PCDH1: variants seen among roughly 807,000 people sequenced by gnomAD.
The protein encoded by PCDH1 is protocadherin 1.
Under a neutral mutation model 74.6 loss-of-function variants are expected in PCDH1, and 23 were observed. The ratio of observed to expected loss-of-function variants is 0.31; its 90% CI spans 0.22 to 0.44. The LOEUF (loss-of-function observed/expected upper bound fraction) is 0.44, where lower values mean the gene tolerates loss of function less well. Among genes scored for constraint, PCDH1 ranks in the 20% least tolerant of loss-of-function variants. The pLI is 1.00. For synonymous variants in PCDH1, 647 were observed against 686.1 expected (o/e 0.94, Z 0.89); for missense variants, 1,214 against 1,641.4 (o/e 0.74, Z 4.50).
intron 1 of PCDH1, among the ~76,000 whole-genome samples, chr5:141,875,072 A>G (rs1753187222): frequency 6.6e-6 from 1 of 152,238 alleles, no homozygotes; most frequent in South Asian, 2.1e-4. Context: ...ACCTGTTTCC[A>G]TACTGTGAAA....
intron 3 of PCDH1, among the ~76,000 whole-genome samples, chr5:141,861,721 T>C (rs1022180543): frequency 1.3e-5 from 2 of 152,100 alleles, no homozygotes; most frequent in African/African-American, 4.8e-5. Flanking sequence ...CAAGCCTCTT[T>C]AGTCACCATG....
chr5:141,864,222 G>A lies in PCDH1; in HGVS notation c.2109C>T (p.Ile703=). The change falls in exon 3 of 5, where the codon ATC becomes ATT. Residue 703 remains isoleucine, a synonymous_variant. Transcript: ENST00000287008. This position sits in a 1 kb window ranked among gnomAD's most constrained non-coding sequence, Gnocchi z 5.9. The stretch of plus-strand genomic sequence containing the variant: ...CGTTGTCATTCTCGTCCAGCACATT[G>A]ATGGTGACACCAACGTAAGCTGAGC... ...PPRSAYVGVT[I]NVLDENDNAP... 1 of 1,607,850 alleles carries A rather than the reference G, an allele frequency of 6.2e-7. No homozygotes were observed.
chr5:141,877,886 G>T lies in PCDH1; in HGVS notation c.40+337C>A, dbSNP rs545856003. Reference sequence around the variant, plus strand: ...GGAGACCCCCACCAAACTGGGGGCCGCGCGCTTCCCCAAACCCATCCTCCA... The same window carrying T: ...GGAGACCCCCACCAAACTGGGGGCCTCGCGCTTCCCCAAACCCATCCTCCA... On this transcript the variant is annotated intron_variant, in intron 1 of 4. Transcript: ENST00000287008. 7.2e-5 allele frequency among the ~76,000 whole-genome samples: 11 copies of T among 152,268 alleles called. No homozygotes were observed. In the South Asian group the frequency reaches 8.3e-4, roughly 11 times the overall value.
In PCDH1 at chr5:141,863,681, T is replaced by C. The variant is rs748917972; in HGVS notation, c.2650A>G (p.Ser884Gly). 1 of 1,614,168 alleles carries C rather than the reference T, an allele frequency of 6.2e-7. No homozygotes were observed. The highest frequency in any genetic ancestry group is 2.2e-5 in the East Asian group (1 of 44,884). Reference protein sequence around the residue: ...VRYCRQREAKSGYQAGKKETK... With the variant: ...VRYCRQREAKGGYQAGKKETK... ...TCCTTCTTACCAGCCTGGTAACCAC[T>C]TTTGGCCTCCCGCTGTCTGCAGTAG... Residue 884 changes from serine to glycine, a missense_variant, in exon 3 of 5, where the codon AGT (serine) becomes GGT (glycine). Coordinates refer to ENST00000287008, the MANE Select transcript of PCDH1 (RefSeq NM_032420.5). The surrounding 1 kb of genome is among the most constrained non-coding windows in gnomAD (Gnocchi z 7.5).
At chr5:141,866,786 A>C (rs1379706993) in intron 2 of PCDH1, among the ~76,000 whole-genome samples, 1 of 152,190 alleles carries the variant, frequency 6.6e-6, no homozygotes, top group Non-Finnish European at 1.5e-5. Flanking sequence ...CGGCACAGGG[A>C]AAGTGCTCCC....
rs1391175459 is a variant in PCDH1 at position 141,863,919 on chromosome 5, G to A, written c.2412C>T (p.Gly804=). ...VSDRGKPPRY[G]TALVHLYVNE... ...TGACATAAAGATGGACCAAGGCTGTGCCATAGCGTGGGGGCTTGCCGCGGT... is the reference window on the plus strand; with the variant it reads ...TGACATAAAGATGGACCAAGGCTGTACCATAGCGTGGGGGCTTGCCGCGGT... The change falls in exon 3 of 5, where the codon GGC becomes GGT. Residue 804 remains glycine (G), a synonymous_variant. Transcript: ENST00000287008. This position sits in a 1 kb window ranked among gnomAD's most constrained non-coding sequence, Gnocchi z 7.5. 1.2e-6 allele frequency: 2 copies of A among 1,614,176 alleles called. No individual in the cohort carries two copies. Among genetic ancestry groups the A allele is most frequent in the Non-Finnish European group, 1.7e-6 (2 of 1,180,028 alleles).
At chr5:141,870,015 G>A (rs994538354) in intron 1 of PCDH1, among the ~76,000 whole-genome samples, 1 of 152,152 alleles carries the variant, frequency 6.6e-6, no homozygotes, top group African/African-American at 2.4e-5. Context: ...GAGGGAGAGG[G>A]GATGATGTCT....
chr5:141,873,439 G>A (rs1397509340), intron 1 of PCDH1, among the ~76,000 whole-genome samples: 20 of 134,810 alleles, frequency 1.5e-4, no homozygotes, highest in African/African-American at 4.8e-4. Context: ...CGCCTGGCCC[G>A]GTCCTGCAAA....
chr5:141,878,288 C>G lies in PCDH1; in HGVS notation c.-26G>C. 8.0e-7 allele frequency: 1 copy of G among 1,253,280 alleles called. No homozygotes were observed. 77.6% of individuals were successfully genotyped at this position (1,253,280 alleles called of 1,614,324 possible). Reference sequence around the variant, plus strand: ...GAGCCGCCGCCGGCCCCGGCCTGGGCTGCGGCTCCGCACGGCTGGGGCTGG... The same window carrying G: ...GAGCCGCCGCCGGCCCCGGCCTGGGGTGCGGCTCCGCACGGCTGGGGCTGG... On this transcript the variant is annotated 5_prime_UTR_variant, in exon 1 of 5. Coordinates refer to ENST00000287008, the MANE Select transcript of PCDH1 (RefSeq NM_032420.5). The surrounding 1 kb of genome is among the most constrained non-coding windows in gnomAD (Gnocchi z 5.5).
Position 141,863,085 on chromosome 5 carries a change from C to T in PCDH1, c.3099+147G>A. 1 of 1,387,906 alleles carries T rather than the reference C, an allele frequency of 7.2e-7. No individual in the cohort carries two copies. Among genetic ancestry groups the T allele is most frequent in the Non-Finnish European group, 9.4e-7 (1 of 1,066,354 alleles). 86.0% of individuals were successfully genotyped at this position (1,387,906 alleles called of 1,614,324 possible). On this transcript the variant is annotated intron_variant, in intron 3 of 4. Transcript: ENST00000287008. This position sits in a 1 kb window ranked among gnomAD's most constrained non-coding sequence, Gnocchi z 7.5. The stretch of plus-strand genomic sequence containing the variant: ...CGTGTGCCCGGTGAGGCACTAAGGC[C>T]CCACCTCCCACTGCTGGCTCAGGCT...
In PCDH1 at chr5:141,869,190, C is replaced by T. The variant is rs1226750869; in HGVS notation, c.282G>A (p.Val94=). ...CATCCACGCGAAGGTACGGGGCACC[C>T]ACCTCTAGCTTGTACAGGTGCCCCA... ...PDVGHLYKLE[V]GAPYLRVDGK... The change falls in exon 2 of 5, where the codon GTG becomes GTA. Residue 94 remains valine, a synonymous_variant. Transcript: ENST00000287008. The surrounding 1 kb of genome is among the most constrained non-coding windows in gnomAD (Gnocchi z 4.9). 1 of 1,614,018 alleles carries T rather than the reference C, an allele frequency of 6.2e-7. No homozygotes were observed. The highest frequency in any genetic ancestry group is 8.5e-7 in the Non-Finnish European group (1 of 1,179,978).
chr5:141,856,735 C>T (rs1035183673), intron 4 of PCDH1, among the ~76,000 whole-genome samples: 2 of 152,158 alleles, frequency 1.3e-5, no homozygotes, highest in African/African-American at 4.8e-5. Flanking sequence ...CAAACCTTCT[C>T]CCACTCCTCA....
At chr5:141,859,855 AT>A (rs1454672139) in intron 3 of PCDH1, among the ~76,000 whole-genome samples, 1 of 152,244 alleles carries the variant, frequency 6.6e-6, no homozygotes, top group East Asian at 1.9e-4. Flanking sequence ...TAAAACACTC[AT>A]GAGCTTTCAG....
chr5:141,854,014 G>C lies in PCDH1; in HGVS notation c.*28C>G. On this transcript the variant is annotated 3_prime_UTR_variant, in exon 5 of 5. Transcript: ENST00000287008. ...TTTGGGAGCTGGCCGGCGGCTGGGG[G>C]AGGGGGGCCGGCCGGCCAGTAGGGG... 2.7e-6 allele frequency: 4 copies of C among 1,476,450 alleles called. No homozygotes were observed. Among genetic ancestry groups the C allele is most frequent in the Middle Eastern group, 2.5e-4 (1 of 3,922 alleles). 91.5% of individuals were successfully genotyped at this position (1,476,450 alleles called of 1,614,324 possible). A position where few individuals can be genotyped will look rare whatever the true frequency, so the allele number is the denominator to read the frequency against.
intron 1 of PCDH1, among the ~76,000 whole-genome samples, chr5:141,871,101 T>C (rs1461504322): frequency 1.3e-5 from 2 of 152,250 alleles, no homozygotes; most frequent in African/African-American, 2.4e-5. Flanking sequence ...AGCTTCAGTA[T>C]TGTGCACCTA....
At chr5:141,873,483 G>A (rs1226051737) in intron 1 of PCDH1, among the ~76,000 whole-genome samples, 1 of 142,420 alleles carries the variant, frequency 7.0e-6, no homozygotes, top group Non-Finnish European at 1.5e-5. Context: ...GTCTTGCTCT[G>A]TTGCCCAGGC....
At chr5:141,860,870 C>A (rs1196980283) in intron 3 of PCDH1, among the ~76,000 whole-genome samples, 1 of 152,100 alleles carries the variant, frequency 6.6e-6, no homozygotes, top group East Asian at 1.9e-4. Flanking sequence ...AATCCCAGCA[C>A]TTTGGGAGGC....
chr5:141,864,072 G>C lies in PCDH1; in HGVS notation c.2259C>G (p.Ile753Met), dbSNP rs1427142796. 2 of 1,613,540 alleles carry C rather than the reference G, an allele frequency of 1.2e-6. No individual in the cohort carries two copies. Among genetic ancestry groups the C allele is most frequent in the East Asian group, 4.5e-5 (2 of 44,866 alleles). Residue 753 changes from isoleucine to methionine, a missense_variant, in exon 3 of 5, where the codon ATC becomes ATG. This residue lies in a region of PCDH1 where 836 missense variants were observed against 1,182.2 expected (regional missense o/e 0.71). Coordinates refer to ENST00000287008, the MANE Select transcript of PCDH1 (RefSeq NM_032420.5). The surrounding 1 kb of genome is among the most constrained non-coding windows in gnomAD (Gnocchi z 5.9). Reference protein sequence around the residue: ...DFDSGVNAELIYSIAGGNPYG... With the variant: ...DFDSGVNAELMYSIAGGNPYG... ...AAGGGTTGCCACCTGCAATGCTGTA[G>C]ATCAGCTCAGCATTGACACCAGAGT... is the stretch of plus-strand genomic sequence containing the variant.
At position 141,863,775 on chromosome 5, in the gene PCDH1, G is replaced by A. The variant is rs1219162825; in HGVS notation, c.2556C>T (p.Asn852=). The change falls in exon 3 of 5, where the codon AAC becomes AAT. Residue 852 remains asparagine (N), a synonymous_variant. Coordinates refer to ENST00000287008, the MANE Select transcript of PCDH1 (RefSeq NM_032420.5). The surrounding 1 kb of genome is among the most constrained non-coding windows in gnomAD (Gnocchi z 7.5). ...PEYERSKQRG[N]ILFGVVAGVV... is the part of the protein sequence containing the mutation. ...CACCAGCCACCACACCAAAGAGAAT[G>A]TTGCCACGCTGCTTGGAGCGCTCAT... 1 of 1,614,174 alleles carries A rather than the reference G, an allele frequency of 6.2e-7. No individual in the cohort carries two copies.
Sources: gnomAD v4.1 joint callset for allele counts (sites outside exome capture counted in the v4.1 genomes callset) on GRCh38, gnomAD v4.1.1 for gene constraint, gnomAD v4.1.1 regional missense constraint, Gnocchi (gnomAD v3.1) non-coding constraint, MANE v1.5 for transcripts, NCBI Gene and HGNC (gene_info 2026-07-23, HGNC 2026-07-21) for gene names.